SAMMSON: variants seen among roughly 807,000 people sequenced by gnomAD.
SAMMSON encodes long intergenic non-protein coding RNA 1212.
At chr3:70,265,110 G>T (rs992809454) in intron 6 of SAMMSON, among the ~76,000 whole-genome samples, 2 of 152,146 alleles carry the variant, frequency 1.3e-5, no homozygotes, top group African/African-American at 2.4e-5. Flanking sequence ...ACCTCTCACT[G>T]GGTCCCTCCC....
At chr3:70,319,632 A>G (rs1702522116) in intron 7 of SAMMSON, among the ~76,000 whole-genome samples, 1 of 152,106 alleles carries the variant, frequency 6.6e-6, no homozygotes, top group Non-Finnish European at 1.5e-5. Flanking sequence ...GAAGGATAGT[A>G]GTTTTTAATG....
chr3:70,201,126 T>C (rs1417792234), intron 4 of SAMMSON, among the ~76,000 whole-genome samples: 1 of 152,126 alleles, frequency 6.6e-6, no homozygotes, highest in African/African-American at 2.4e-5. Flanking sequence ...GGAGGTTTAT[T>C]GGACAGTTTA....
chr3:70,250,090 CCTT>C (rs1378176429), intron 6 of SAMMSON, among the ~76,000 whole-genome samples: 1 of 152,014 alleles, frequency 6.6e-6, no homozygotes, highest in African/African-American at 2.4e-5. Flanking sequence ...ATTTTACATC[CCTT>C]CTTCTATTTA....
rs1484567295 is a variant in SAMMSON, at chr3:70,218,603, T to A, written n.508-30504T>A. On this transcript the variant is annotated intron_variant and non_coding_transcript_variant, in intron 4 of 9. Transcript: ENST00000642114. ...CTTTTCCTCAGAGTTTCTATAGTGG[T>A]AACAGGATTAACAGACTCTATTCTG... 3.3e-5 allele frequency among the ~76,000 whole-genome samples: 5 copies of A among 152,200 alleles called. No individual in the cohort carries two copies. In the East Asian group the frequency reaches 9.7e-4, roughly 30 times the overall value.
At chr3:70,092,897 TTTTTG>T (rs2067309790) in intron 4 of SAMMSON, among the ~76,000 whole-genome samples, 1 of 73,816 alleles carries the variant, frequency 1.4e-5, no homozygotes, top group African/African-American at 4.4e-5. Context: ...TTGTCTAGTG[TTTTTG>T]TTTTTTTTTT....
chr3:70,353,050 A>AACT (rs1176765766), intron 7 of SAMMSON, among the ~76,000 whole-genome samples: 1 of 152,016 alleles, frequency 6.6e-6, no homozygotes, highest in African/African-American at 2.4e-5. Context: ...CAAACAAAAG[A>AACT]ACTACTAAGT....
chr3:70,205,661 T>TTTA (rs1429187436), intron 4 of SAMMSON: 15 of 152,076 alleles, frequency 9.9e-5, no homozygotes, highest in African/African-American at 3.6e-4. Flanking sequence ...TACTGTACAG[T>TTTA]TAATAGACTT....
chr3:70,322,405 T>A (rs1575625507), intron 7 of SAMMSON, among the ~76,000 whole-genome samples: 1 of 152,154 alleles, frequency 6.6e-6, no homozygotes, highest in East Asian at 1.9e-4. Context: ...TCAAGTTCTT[T>A]GTCATCTTGA....
chr3:70,166,236 A>G (rs1413061828), intron 4 of SAMMSON, among the ~76,000 whole-genome samples: 4 of 151,970 alleles, frequency 2.6e-5, no homozygotes, highest in Non-Finnish European at 5.9e-5. Context: ...ATTTTAAAGC[A>G]TATGTGAAAA....
intron 9 of SAMMSON, among the ~76,000 whole-genome samples, chr3:70,376,107 A>G (rs1276681321): frequency 2.6e-5 from 4 of 152,144 alleles, no homozygotes; most frequent in Non-Finnish European, 4.4e-5. Context: ...TCATTTTCAT[A>G]CTGCAGAAGA....
intron 4 of SAMMSON, among the ~76,000 whole-genome samples, chr3:70,098,885 ACTATAT>A (rs2067332758): frequency 6.6e-6 from 1 of 152,138 alleles, no homozygotes; most frequent in Admixed American, 6.6e-5. Flanking sequence ...TTTACATTTT[ACTATAT>A]CTATGTGTGT....
intron 7 of SAMMSON, among the ~76,000 whole-genome samples, chr3:70,352,813 G>A (rs1702802854): frequency 6.6e-6 from 1 of 152,040 alleles, no homozygotes. Flanking sequence ...TGAAAAGAAT[G>A]AGTTTACCCA....
At chr3:70,334,580 T>A (rs1702647683) in intron 7 of SAMMSON, among the ~76,000 whole-genome samples, 1 of 152,134 alleles carries the variant, frequency 6.6e-6, no homozygotes, top group Non-Finnish European at 1.5e-5. Flanking sequence ...GTAATTATTA[T>A]AAATAAGTGC....
intron 3 of SAMMSON, among the ~76,000 whole-genome samples, chr3:70,028,174 C>G (rs201962207): frequency 7.3e-6 from 1 of 136,086 alleles, no homozygotes; most frequent in Non-Finnish European, 1.6e-5. Flanking sequence ...TTCCTTCCTT[C>G]CTTCCTTCCT....
downstream of SAMMSON, among the ~76,000 whole-genome samples, chr3:70,393,817 GTCTGGGGCTGGCCAGAGCAGGGT>G (rs1391528950): frequency 6.6e-6 from 1 of 152,136 alleles, no homozygotes; most frequent in Non-Finnish European, 1.5e-5. Context: ...CAGACAGGTG[GTCTGGGGCTGGCCAGAGCAGGGT>G]TTGCTGAAGA....
chr3:70,319,049 A>G (rs1404393467), intron 7 of SAMMSON, among the ~76,000 whole-genome samples: 1 of 152,060 alleles, frequency 6.6e-6, no homozygotes, highest in Non-Finnish European at 1.5e-5. Flanking sequence ...CACAAAAGCT[A>G]CTTTTTGCCA....
At chr3:70,177,217 A>T (rs1279175891) in intron 4 of SAMMSON, among the ~76,000 whole-genome samples, 1 of 152,202 alleles carries the variant, frequency 6.6e-6, no homozygotes, top group Admixed American at 6.5e-5. Flanking sequence ...TGTTTAAGAG[A>T]TCAGCTTTTA....
chr3:70,237,977 A>ATGTTTTTTTTTTTTTTT (rs1251005797), intron 4 of SAMMSON, among the ~76,000 whole-genome samples: 1 of 13,008 alleles, frequency 7.7e-5, no homozygotes, highest in Non-Finnish European at 1.4e-4. Context: ...ATTGAGTGGT[A>ATGTTTTTTTTTTTTTTT]TCTTTTTTTT....
chr3:70,093,099 C>G (rs528419461), intron 4 of SAMMSON, among the ~76,000 whole-genome samples: 1 of 152,156 alleles, frequency 6.6e-6, no homozygotes, highest in African/African-American at 2.4e-5. Context: ...TTGCTTGTTT[C>G]ATGTCTCTTC....
Sources: gnomAD v4.1 joint callset for allele counts (sites outside exome capture counted in the v4.1 genomes callset) on GRCh38, gnomAD v4.1.1 for gene constraint, MANE v1.5 for transcripts, NCBI Gene and HGNC (gene_info 2026-07-23, HGNC 2026-07-21) for gene names.